SORCS3: variants seen among roughly 807,000 people sequenced by gnomAD.
SORCS3 encodes VPS10 domain-containing receptor SorCS3.
Under a neutral mutation model 146.3 loss-of-function variants are expected in SORCS3, and 57 were observed. That is an observed-to-expected ratio of 0.39 (90% CI 0.31 to 0.49). The LOEUF is 0.49. Ranked by LOEUF, SORCS3 falls within the 20% of genes least tolerant of loss-of-function variation. The pLI, the probability that SORCS3 is intolerant of heterozygous loss-of-function variation, is 0.92. For missense variants in SORCS3, 1,341 were observed against 1,575.5 expected (o/e 0.85, Z 2.52); for synonymous variants, 653 against 618.5 (o/e 1.06, Z -0.83).
chr10:105,029,111 A>G (rs1564738034), intron 4 of SORCS3, among the ~76,000 whole-genome samples: 1 of 152,162 alleles, frequency 6.6e-6, no homozygotes, highest in Non-Finnish European at 1.5e-5. Flanking sequence ...CATTAGAATC[A>G]GCTGGGGAAC....
intron 1 of SORCS3, among the ~76,000 whole-genome samples, chr10:104,740,599 T>C (rs577461517): frequency 3.2e-4 from 48 of 152,340 alleles, no homozygotes; most frequent in Non-Finnish European, 5.3e-4. Context: ...CCTTGTTTGC[T>C]TCTCAGGAAG....
chr10:105,047,962 T>G (rs1259046423), intron 5 of SORCS3, among the ~76,000 whole-genome samples: 1 of 151,996 alleles, frequency 6.6e-6, no homozygotes, highest in African/African-American at 2.4e-5. Flanking sequence ...ATCAGAGAAA[T>G]GCAAATCAAA....
intron 19 of SORCS3, among the ~76,000 whole-genome samples, chr10:105,220,990 T>A (rs953818450): frequency 2.0e-5 from 3 of 152,210 alleles, no homozygotes; most frequent in Non-Finnish European, 4.4e-5. Flanking sequence ...AATCTTGAGA[T>A]GCCATATGTT....
At chr10:104,898,581 C>T (rs2018821739) in intron 2 of SORCS3, among the ~76,000 whole-genome samples, 1 of 152,212 alleles carries the variant, frequency 6.6e-6, no homozygotes, top group Admixed American at 6.5e-5. Flanking sequence ...TCCTCTTCAT[C>T]CTGGGCAAGA....
intron 5 of SORCS3, among the ~76,000 whole-genome samples, chr10:105,083,357 A>T (rs2055638195): frequency 2.0e-5 from 3 of 152,108 alleles, no homozygotes; most frequent in South Asian, 4.2e-4. Context: ...TCCTGAGGCT[A>T]GTTCTGCACT....
intron 1 of SORCS3, among the ~76,000 whole-genome samples, chr10:104,662,666 G>A (rs1417433232): frequency 6.6e-6 from 1 of 152,234 alleles, no homozygotes; most frequent in Non-Finnish European, 1.5e-5. Context: ...AGACTGGCAT[G>A]TTCTTTTCTA....
At position 105,098,946 on chromosome 10, in the gene SORCS3, G is replaced by A. The variant is rs547826273; in HGVS notation, c.1094-6451G>A. On this transcript the variant is annotated intron_variant, in intron 6 of 26. Coordinates refer to ENST00000369701, the MANE Select transcript of SORCS3 (RefSeq NM_014978.3). ...CTGTGCCATCAAGGAGGCAGATAAT[G>A]CTGGGATTCTCCTATGGGAGATGAG... Among the ~76,000 whole-genome samples the A allele has an allele frequency of 2.6e-5, 4 of 152,330 alleles. No homozygotes were observed. The South Asian group carries it at 8.3e-4, about 32-fold the overall frequency.
intron 1 of SORCS3, among the ~76,000 whole-genome samples, chr10:104,810,705 G>A (rs190608424): frequency 4.6e-5 from 7 of 152,244 alleles, no homozygotes; most frequent in East Asian, 1.9e-4. Flanking sequence ...AAAGATTTCC[G>A]ATAGATATTG....
intron 2 of SORCS3, among the ~76,000 whole-genome samples, chr10:104,867,395 C>T (rs530411182): frequency 9.9e-5 from 15 of 151,816 alleles, no homozygotes; most frequent in East Asian, 1.9e-4. Flanking sequence ...TTGCAAGCTC[C>T]GCCTCCTGGG....
intron 1 of SORCS3, among the ~76,000 whole-genome samples, chr10:104,643,014 G>T (rs61574962): frequency 0.086 from 13,130 of 152,308 alleles, 622 homozygotes; most frequent in Admixed American, 0.13. Context: ...AAAGGCGGGG[G>T]ACAGGTTCCC....
intron 1 of SORCS3, among the ~76,000 whole-genome samples, chr10:104,757,270 A>G (rs2017064721): frequency 6.6e-6 from 1 of 152,110 alleles, no homozygotes; most frequent in South Asian, 2.1e-4. Context: ...TTTCTTGGCA[A>G]AGCAAAGGCA....
rs565877682 is a variant in SORCS3, at chr10:104,658,087, G to C, written c.627+16133G>C. Among the ~76,000 whole-genome samples the C allele has an allele frequency of 3.3e-5, 5 of 152,108 alleles. 2 individuals carry two copies. The South Asian group carries it at 1.0e-3, about 32-fold the overall frequency. ...TTTTAAAATTGCCTTTCTCCCTTCT[G>C]GTTTTGTTTTGTGTTTTCTTTCTTG... On this transcript the variant is annotated intron_variant, in intron 1 of 26. Transcript: ENST00000369701.
intron 3 of SORCS3, among the ~76,000 whole-genome samples, chr10:104,965,051 T>A (rs530335990): frequency 6.6e-6 from 1 of 152,354 alleles, no homozygotes; most frequent in South Asian, 2.1e-4. Context: ...ATTTCCTTCC[T>A]TCCTAAGGCG....
intron 1 of SORCS3, among the ~76,000 whole-genome samples, chr10:104,751,375 A>G (rs2016981530): frequency 6.6e-6 from 1 of 152,184 alleles, no homozygotes; most frequent in South Asian, 2.1e-4. Flanking sequence ...TGAAATGGGG[A>G]TACTCTAAAC....
chr10:104,910,639 T>G (rs2018957197), intron 2 of SORCS3, among the ~76,000 whole-genome samples: 1 of 152,242 alleles, frequency 6.6e-6, no homozygotes, highest in African/African-American at 2.4e-5. Flanking sequence ...GGTTATGTGT[T>G]GTTTATGCAC....
chr10:104,814,785 G>T (rs1390021347), intron 1 of SORCS3, among the ~76,000 whole-genome samples: 2 of 152,216 alleles, frequency 1.3e-5, no homozygotes, highest in East Asian at 3.8e-4. Flanking sequence ...GATGTGGAGA[G>T]CATTTTATTT....
intron 3 of SORCS3, among the ~76,000 whole-genome samples, chr10:104,932,269 C>T (rs2019215787): frequency 6.6e-6 from 1 of 152,188 alleles, no homozygotes; most frequent in African/African-American, 2.4e-5. Context: ...CATTCCCTAC[C>T]ACTCTCTTCT....
At chr10:105,096,243 G>A (rs758095113) in intron 6 of SORCS3, among the ~76,000 whole-genome samples, 1 of 152,090 alleles carries the variant, frequency 6.6e-6, no homozygotes, top group Non-Finnish European at 1.5e-5. Context: ...TTATAAAGTT[G>A]TCCTGCTGAT....
intron 5 of SORCS3, among the ~76,000 whole-genome samples, chr10:105,055,134 T>C (rs563723351): frequency 6.6e-6 from 1 of 152,298 alleles, no homozygotes; most frequent in East Asian, 1.9e-4. Context: ...TCATATTAGC[T>C]CTACATGTTT....
Sources: gnomAD v4.1 joint callset for allele counts (sites outside exome capture counted in the v4.1 genomes callset) on GRCh38, gnomAD v4.1.1 for gene constraint, MANE v1.5 for transcripts, NCBI Gene and HGNC (gene_info 2026-07-23, HGNC 2026-07-21) for gene names.